Variants in ZNF33A observed in about 807,000 individuals in gnomAD.
The protein encoded by ZNF33A is zinc finger protein 33A, also known as brain my041 protein.
In ZNF33A, 9 loss-of-function variants were observed where a neutral mutation model predicts 15.9. The ratio of observed to expected loss-of-function variants is 0.57; its 90% CI spans 0.34 to 0.99. ZNF33A has a LOEUF of 0.99. Among genes scored for constraint, ZNF33A ranks in the 50% least tolerant of loss-of-function variants. The probability of loss-of-function intolerance (pLI) is 0.02; values close to 1 mark genes in which losing one functional copy is unlikely to be tolerated. For synonymous variants in ZNF33A, 294 were observed against 324.2 expected, an observed-to-expected ratio of 0.91 and a Z score of 1.00; for missense variants, 843 against 941.6, an observed-to-expected ratio of 0.90 and a Z score of 1.37.
chr10:38,063,771 AC>A (rs759413846), downstream of ZNF33A, among the ~76,000 whole-genome samples: 32 of 152,168 alleles, frequency 2.1e-4, no homozygotes, highest in Non-Finnish European at 4.1e-4. Context: ...CTTCAGGCTC[AC>A]CCTGTGAACT....
At chr10:38,062,311 G>A (rs571539999), downstream of ZNF33A, among the ~76,000 whole-genome samples, 7 of 152,296 alleles carry the variant, frequency 4.6e-5, no homozygotes, top group Non-Finnish European at 8.8e-5. Flanking sequence ...CCTAGTCTCA[G>A]GTGGTTTGTT....
intron 4 of ZNF33A, among the ~76,000 whole-genome samples, chr10:38,018,225 T>C (rs1590470333): frequency 6.6e-6 from 1 of 152,234 alleles, no homozygotes; most frequent in East Asian, 1.9e-4. Flanking sequence ...TTAGATTGGC[T>C]GAATGTGGTA....
At chr10:38,066,105 C>T (rs1325079020), downstream of ZNF33A, among the ~76,000 whole-genome samples, 2 of 152,060 alleles carry the variant, frequency 1.3e-5, no homozygotes, top group Non-Finnish European at 2.9e-5. Context: ...AACCCTGTAT[C>T]CCAGAGCTTA....
chr10:38,057,492 A>G lies in ZNF33A; in HGVS notation c.*932A>G. 4.1e-6 allele frequency: 4 copies of G among 985,460 alleles called. No individual in the cohort carries two copies. Among genetic ancestry groups the G allele is most frequent in the Non-Finnish European group, 4.8e-6 (4 of 829,934 alleles). The allele number at this position is 985,460 out of a possible 1,614,324, so 61.0% of individuals were successfully genotyped here. On this transcript the variant is annotated 3_prime_UTR_variant, in exon 5 of 5. Coordinates refer to ENST00000432900, the MANE Select transcript of ZNF33A (RefSeq NM_006954.2). ...ATAATGGAATTTAACGTAATTGTGA[A>G]TAGGAAGTAGGTATCCTAGTTTAGT...
At position 38,059,970 on chromosome 10, in the gene ZNF33A, T is replaced by C; in HGVS notation, c.*3410T>C. 1 of 698,622 alleles carries C rather than the reference T, an allele frequency of 1.4e-6. No homozygotes were observed. The highest frequency in any genetic ancestry group is 1.8e-6 in the Non-Finnish European group (1 of 568,000). 43.3% of individuals were successfully genotyped at this position (698,622 alleles called of 1,614,324 possible). ...AGGGGAAAGGGTTATATGAGAATTC[T>C]CTATACTTTTTGCTCAACTTTCTGT... On this transcript the variant is annotated 3_prime_UTR_variant, in exon 5 of 5. Transcript: ENST00000432900.
At chr10:38,045,831 G>T (rs368816273) in intron 4 of ZNF33A, among the ~76,000 whole-genome samples, 2 of 152,308 alleles carry the variant, frequency 1.3e-5, no homozygotes, top group Non-Finnish European at 2.9e-5. Context: ...TGAACAAAGT[G>T]AGTTTTCTGG....
At chr10:38,048,362 A>C (rs768918114) in intron 4 of ZNF33A, among the ~76,000 whole-genome samples, 9 of 152,224 alleles carry the variant, frequency 5.9e-5, no homozygotes, top group Non-Finnish European at 1.2e-4. Context: ...AAAGGCTGTG[A>C]AAAAGAAGTA....
At chr10:38,024,434 C>G in intron 4 of ZNF33A, among the ~76,000 whole-genome samples, 1 of 152,140 alleles carries the variant, frequency 6.6e-6, no homozygotes, top group East Asian at 1.9e-4. Flanking sequence ...GACACATGGT[C>G]TCTTGATAGA....
intron 4 of ZNF33A, among the ~76,000 whole-genome samples, chr10:38,039,111 T>G (rs533696238): frequency 6.6e-6 from 1 of 152,166 alleles, no homozygotes; most frequent in Non-Finnish European, 1.5e-5. Context: ...CTTCTTATTT[T>G]CTTGGAGTTT....
At chr10:38,019,248 G>A (rs1204544104) in intron 4 of ZNF33A, among the ~76,000 whole-genome samples, 1 of 151,630 alleles carries the variant, frequency 6.6e-6, no homozygotes, top group Non-Finnish European at 1.5e-5. Context: ...TGGTTTTTTG[G>A]CTTTGCGATA....
Position 38,017,281 on chromosome 10 carries a change from CTGTTAACAGGGTATTG to C in ZNF33A, c.155-5_165del, listed in dbSNP as rs970447535. ...CTTGGTCCAAATCCTAAATTATTTC[CTGTTAACAGGGTATTG>C]TGTTCACAAACCAGAGGTGATCTTC... On this transcript the variant is annotated splice_acceptor_variant and splice_polypyrimidine_tract_variant and coding_sequence_variant and intron_variant, in exon 4 of 5. Transcript: ENST00000432900. LOFTEE classifies it high-confidence loss of function. 1 of 1,611,986 alleles carries C rather than the reference CTGTTAACAGGGTATTG, an allele frequency of 6.2e-7. No homozygotes were observed. Among genetic ancestry groups the C allele is most frequent in the African/African-American group, 1.3e-5 (1 of 74,834 alleles).
chr10:38,032,320 A>G (rs573527608), intron 4 of ZNF33A, among the ~76,000 whole-genome samples: 1 of 152,354 alleles, frequency 6.6e-6, no homozygotes, highest in South Asian at 2.1e-4. Flanking sequence ...AAACAGGTAT[A>G]TAAGAAACAA....
At chr10:38,034,296 A>G (rs1479253851) in intron 4 of ZNF33A, among the ~76,000 whole-genome samples, 4 of 152,184 alleles carry the variant, frequency 2.6e-5, no homozygotes, top group Non-Finnish European at 5.9e-5. Context: ...CCAGGGCACC[A>G]TATTACATTT....
downstream of ZNF33A, among the ~76,000 whole-genome samples, chr10:38,065,444 A>G (rs1376375928): frequency 6.6e-6 from 1 of 152,200 alleles, no homozygotes; most frequent in Non-Finnish European, 1.5e-5. Context: ...TCTATCCTAA[A>G]AGACAAGCGA....
At chr10:38,045,233 C>G (rs895346187) in intron 4 of ZNF33A, among the ~76,000 whole-genome samples, 9 of 152,194 alleles carry the variant, frequency 5.9e-5, no homozygotes, top group African/African-American at 1.9e-4. Context: ...AGCTTTTTCA[C>G]TCCCATTGGG....
intron 4 of ZNF33A, among the ~76,000 whole-genome samples, chr10:38,033,061 A>G (rs2135641834): frequency 6.6e-6 from 1 of 152,294 alleles, no homozygotes; most frequent in South Asian, 2.1e-4. Flanking sequence ...AGTGTTTCTT[A>G]GAACGTTGTC....
chr10:38,056,718 G>T lies in ZNF33A; in HGVS notation c.*158G>T. 1.6e-6 allele frequency: 2 copies of T among 1,250,152 alleles called. No individual in the cohort carries two copies. Among genetic ancestry groups the T allele is most frequent in the South Asian group, 3.7e-5 (1 of 27,062 alleles). The allele number at this position is 1,250,152 out of a possible 1,614,324, so 77.4% of individuals were successfully genotyped here. A position where few individuals can be genotyped will look rare whatever the true frequency, so the allele number is the denominator to read the frequency against. ...CACCTTACAGATTTTTTTTGAATTTGTGAAAGTTTTTGGCAAAAATGCAAA... is the reference window on the plus strand; with the variant it reads ...CACCTTACAGATTTTTTTTGAATTTTTGAAAGTTTTTGGCAAAAATGCAAA... On this transcript the variant is annotated 3_prime_UTR_variant, in exon 5 of 5. Coordinates refer to ENST00000432900, the MANE Select transcript of ZNF33A (RefSeq NM_006954.2).
chr10:38,014,335 C>G (rs2064346154), intron 2 of ZNF33A, among the ~76,000 whole-genome samples: 1 of 152,124 alleles, frequency 6.6e-6, no homozygotes. Flanking sequence ...CGTGCCTGGC[C>G]AAATATTTAA....
At chr10:38,062,063 A>G (rs1564892020), downstream of ZNF33A, among the ~76,000 whole-genome samples, 1 of 152,206 alleles carries the variant, frequency 6.6e-6, no homozygotes, top group African/African-American at 2.4e-5. Context: ...GCTCTACCTC[A>G]TGAACGATTA....
Sources: gnomAD v4.1 joint callset for allele counts (sites outside exome capture counted in the v4.1 genomes callset) on GRCh38, gnomAD v4.1.1 for gene constraint, MANE v1.5 for transcripts, NCBI Gene and HGNC (gene_info 2026-07-23, HGNC 2026-07-21) for gene names.